The following DLGAP1 variants were observed in gnomAD, a reference collection of about 807,000 sequenced individuals.
DLGAP1 encodes the protein disks large-associated protein 1.
In DLGAP1, 11 loss-of-function variants were observed where a neutral mutation model predicts 90.8. The observed-to-expected ratio is 0.12, with a 90% CI of 0.08 to 0.20. DLGAP1 has a LOEUF of 0.20. DLGAP1 is among the 10% of genes least tolerant of loss of function. The probability of loss-of-function intolerance (pLI) is 1.00; values close to 1 mark genes in which losing one functional copy is unlikely to be tolerated. For synonymous variants in DLGAP1, 558 were observed against 540.7 expected (o/e 1.03, Z -0.44); for missense variants, 1,050 against 1,333.8 (o/e 0.79, Z 3.31).
intron 7 of DLGAP1, among the ~76,000 whole-genome samples, chr18:3,589,860 C>T (rs576078773): frequency 2.6e-5 from 4 of 152,222 alleles, no homozygotes; most frequent in African/African-American, 9.6e-5. Flanking sequence ...AAAGTTCTCC[C>T]GATTTGGTCC....
At chr18:4,051,809 T>G (rs971415275) in intron 2 of DLGAP1, among the ~76,000 whole-genome samples, 2 of 152,200 alleles carry the variant, frequency 1.3e-5, no homozygotes, top group Non-Finnish European at 2.9e-5. Flanking sequence ...AGCAAGTTAG[T>G]TACTTCCTAG....
At chr18:3,773,078 C>T (rs1358461583) in intron 5 of DLGAP1, among the ~76,000 whole-genome samples, 1 of 151,944 alleles carries the variant, frequency 6.6e-6, no homozygotes, top group Non-Finnish European at 1.5e-5. Flanking sequence ...TAATGAGCTC[C>T]TTGTGTATTC....
chr18:3,616,782 G>GA lies in DLGAP1; in HGVS notation c.1592-34535dup, dbSNP rs376616851. On this transcript the variant is annotated intron_variant, in intron 7 of 12. Coordinates refer to ENST00000315677, the MANE Select transcript of DLGAP1 (RefSeq NM_004746.4). The stretch of plus-strand genomic sequence containing the variant: ...AAAACAAAAAGAAACAAACAAACTG[G>GA]AAAAAAAAAAGAGGTGGACGAATTC... Among the ~76,000 whole-genome samples, 783 of 148,110 alleles carry GA rather than the reference G, an allele frequency of 5.3e-3. 12 individuals carry two copies. The highest frequency in any genetic ancestry group is 0.018 in the African/African-American group (729 of 40,446).
intron 2 of DLGAP1, among the ~76,000 whole-genome samples, chr18:4,122,254 G>A (rs2076164547): frequency 6.6e-6 from 1 of 152,138 alleles, no homozygotes; most frequent in Non-Finnish European, 1.5e-5. Context: ...TATAGGAGGG[G>A]AAAAATATTA....
At chr18:3,580,577 G>A (rs2145362830) in intron 8 of DLGAP1, 1 of 1,588,864 alleles carries the variant, frequency 6.3e-7, no homozygotes, top group African/African-American at 1.3e-5. Flanking sequence ...CTCCGGGGAG[G>A]AGGTGCCCAT....
intron 2 of DLGAP1, among the ~76,000 whole-genome samples, chr18:4,015,514 T>C (rs2074507090): frequency 6.6e-6 from 1 of 152,284 alleles, no homozygotes; most frequent in East Asian, 1.9e-4. Context: ...ATCCAGAACA[T>C]TGCTTCCATT....
intron 5 of DLGAP1, among the ~76,000 whole-genome samples, chr18:3,783,877 G>A (rs985263905): frequency 6.6e-6 from 1 of 152,162 alleles, no homozygotes; most frequent in South Asian, 2.1e-4. Flanking sequence ...CAGCGATTTC[G>A]AGAGGGGTAA....
chr18:4,258,549 A>G (rs1318541962), intron 1 of DLGAP1, among the ~76,000 whole-genome samples: 1 of 152,174 alleles, frequency 6.6e-6, no homozygotes, highest in Non-Finnish European at 1.5e-5. Context: ...GCATGATATA[A>G]TTGTGAACAT....
chr18:3,742,310 C>A, intron 6 of DLGAP1, 25 bp downstream of exon 6: 1 of 1,606,752 alleles, frequency 6.2e-7, no homozygotes, highest in Non-Finnish European at 8.5e-7. Flanking sequence ...TGGCTCCTGA[C>A]CACCGCTGCC....
At chr18:4,068,061 A>T (rs1044729611) in intron 2 of DLGAP1, among the ~76,000 whole-genome samples, 1 of 152,022 alleles carries the variant, frequency 6.6e-6, no homozygotes, top group African/African-American at 2.4e-5. Context: ...TATATATATA[A>T]AATGATCAAA....
chr18:3,998,703 T>A (rs1042438709), intron 3 of DLGAP1, among the ~76,000 whole-genome samples: 1 of 152,192 alleles, frequency 6.6e-6, no homozygotes. Flanking sequence ...CTTTTCCCTG[T>A]CAAATTTCAA....
At chr18:3,559,295 G>A (rs994129015) in intron 9 of DLGAP1, among the ~76,000 whole-genome samples, 3 of 152,016 alleles carry the variant, frequency 2.0e-5, no homozygotes, top group African/African-American at 7.2e-5. Flanking sequence ...TATTTGCTTC[G>A]GCCTCAAGGA....
At chr18:4,346,313 G>C (rs1464710746) in intron 1 of DLGAP1, among the ~76,000 whole-genome samples, 1 of 151,944 alleles carries the variant, frequency 6.6e-6, no homozygotes, top group Non-Finnish European at 1.5e-5. Flanking sequence ...GTCAAAATTT[G>C]GACCTATCGT....
chr18:4,125,011 T>A (rs2076211197), intron 2 of DLGAP1, among the ~76,000 whole-genome samples: 1 of 152,180 alleles, frequency 6.6e-6, no homozygotes, highest in Non-Finnish European at 1.5e-5. Flanking sequence ...GCAAATGTCA[T>A]AGCCTCAGTA....
chr18:4,426,358 T>C (rs1381068906), intron 1 of DLGAP1, among the ~76,000 whole-genome samples: 2 of 152,228 alleles, frequency 1.3e-5, no homozygotes, highest in South Asian at 2.1e-4. Context: ...ATGCTCTGAA[T>C]TAAAGTCCAG....
In DLGAP1 at chr18:3,567,047, TTCATTCATTCATTCATTCATTCA is replaced by T. The variant is rs1309316198; in HGVS notation, c.2057+420_2057+442del. Among the ~76,000 whole-genome samples the T allele has an allele frequency of 1.3e-4, 19 of 144,388 alleles. 1 individual carries two copies. The South Asian group carries it at 3.2e-3, about 24-fold the overall frequency. The allele number at this position is 144,388 out of a possible 152,430, so 94.7% of individuals were successfully genotyped here. ...ATGACAGGGAATATCTTCTTTTTCA[TTCATTCATTCATTCATTCATTCA>T]TCATTCATTCATTCATCATTCATTG... On this transcript the variant is annotated intron_variant, in intron 9 of 12. Transcript: ENST00000315677.
intron 4 of DLGAP1, among the ~76,000 whole-genome samples, chr18:3,815,177 T>C (rs1451888004): frequency 2.0e-5 from 3 of 152,248 alleles, no homozygotes; most frequent in African/African-American, 4.8e-5. Context: ...GATTGATCTA[T>C]GCCTTCCTTG....
At chr18:3,761,445 T>C (rs2063958157) in intron 5 of DLGAP1, among the ~76,000 whole-genome samples, 1 of 152,252 alleles carries the variant, frequency 6.6e-6, no homozygotes, top group Admixed American at 6.5e-5. Context: ...GGCTGAATCA[T>C]ACTCTGTTGA....
intron 1 of DLGAP1, among the ~76,000 whole-genome samples, chr18:4,296,308 G>A (rs1466700806): frequency 2.0e-5 from 3 of 151,964 alleles, no homozygotes; most frequent in Non-Finnish European, 4.4e-5. Flanking sequence ...ACACACAGGT[G>A]CACACACACA....
Sources: allele counts gnomAD v4.1 joint callset (sites outside exome capture counted in the v4.1 genomes callset), GRCh38; gene constraint gnomAD v4.1.1; transcripts MANE v1.5; gene names NCBI Gene and HGNC (gene_info 2026-07-23, HGNC 2026-07-21).